Variants in RNF216 observed in about 807,000 individuals in gnomAD.
RNF216 encodes E3 ubiquitin-protein ligase RNF216.
Under a neutral mutation model 110.8 loss-of-function variants are expected in RNF216, and 72 were observed. That is an observed-to-expected ratio of 0.65 (90% CI 0.54 to 0.79). RNF216 has a LOEUF of 0.79. Among genes scored for constraint, RNF216 ranks in the 30% least tolerant of loss-of-function variants. RNF216 has a pLI of 0.00. For missense variants in RNF216, 1,342 were observed against 1,141.2 expected (o/e 1.18, Z -2.54); for synonymous variants, 495 against 407.5 (o/e 1.21, Z -2.59).
chr7:5,681,641 C>T (rs1421892126), intron 13 of RNF216, among the ~76,000 whole-genome samples: 2 of 152,188 alleles, frequency 1.3e-5, no homozygotes, highest in Admixed American at 6.5e-5. Context: ...GTGTCAAGGA[C>T]GAGTCCCATT....
chr7:5,637,924 C>T (rs1224352530), intron 15 of RNF216, among the ~76,000 whole-genome samples: 2 of 152,228 alleles, frequency 1.3e-5, no homozygotes, highest in East Asian at 3.9e-4. Flanking sequence ...TGGCTCACTG[C>T]AATCTCTGCT....
At chr7:5,704,118 G>C (rs1342837947) in intron 13 of RNF216, among the ~76,000 whole-genome samples, 1 of 152,148 alleles carries the variant, frequency 6.6e-6, no homozygotes, top group Non-Finnish European at 1.5e-5. Context: ...ATGAAACAAA[G>C]ACTCTCTCCA....
intron 14 of RNF216, among the ~76,000 whole-genome samples, chr7:5,645,129 C>A (rs1199413155): frequency 6.6e-6 from 1 of 152,128 alleles, no homozygotes; most frequent in Non-Finnish European, 1.5e-5. Context: ...TGCCTATTTT[C>A]TGATTAGGCT....
intron 13 of RNF216, among the ~76,000 whole-genome samples, chr7:5,663,678 G>T (rs1017036471): frequency 6.6e-6 from 1 of 150,526 alleles, no homozygotes; most frequent in Non-Finnish European, 1.5e-5. Context: ...AGGCGGGCAG[G>T]TCACGAGGTC....
At chr7:5,699,309 C>T (rs1042336946) in intron 13 of RNF216, among the ~76,000 whole-genome samples, 3 of 152,148 alleles carry the variant, frequency 2.0e-5, no homozygotes, top group Non-Finnish European at 2.9e-5. Flanking sequence ...ATCAAAATTA[C>T]ACCTAAAAAC....
chr7:5,695,567 G>C (rs932242953), intron 13 of RNF216, among the ~76,000 whole-genome samples: 9 of 152,228 alleles, frequency 5.9e-5, no homozygotes, highest in African/African-American at 1.4e-4. Flanking sequence ...AGACACCGCA[G>C]CTATAGACAA....
At chr7:5,707,727 T>G (rs1436187719) in intron 13 of RNF216, among the ~76,000 whole-genome samples, 3 of 145,004 alleles carry the variant, frequency 2.1e-5, no homozygotes, top group African/African-American at 2.6e-5. Flanking sequence ...GGTTTTTTTT[T>G]TTTTTTTTTT....
chr7:5,705,681 G>A (rs562655633), intron 13 of RNF216, among the ~76,000 whole-genome samples: 2 of 152,262 alleles, frequency 1.3e-5, no homozygotes, highest in South Asian at 2.1e-4. Context: ...GGCCAAGGCA[G>A]GCAGATCACC....
chr7:5,749,652 T>C (rs1433864148), intron 3 of RNF216, among the ~76,000 whole-genome samples: 1 of 152,232 alleles, frequency 6.6e-6, no homozygotes, highest in African/African-American at 2.4e-5. Flanking sequence ...GTTCTGACAC[T>C]TTCTGAAAGC....
At chr7:5,778,577 A>G (rs574628374) in intron 1 of RNF216, among the ~76,000 whole-genome samples, 18 of 152,202 alleles carry the variant, frequency 1.2e-4, no homozygotes, top group Non-Finnish European at 1.8e-4. Flanking sequence ...CGGATGGCAC[A>G]GTAGATGATC....
In RNF216 at chr7:5,621,117, C is replaced by G. The variant is rs1397372944; in HGVS notation, c.*1743G>C. The G allele has an allele frequency of 6.6e-6, 1 of 152,046 alleles. No individual in the cohort carries two copies. The highest frequency in any genetic ancestry group is 1.5e-5 in the Non-Finnish European group (1 of 68,036). The allele number at this position is 152,046 out of a possible 1,614,324, so 9.4% of individuals were successfully genotyped here. ...CACCCTTACCCCAGGTCCAGGTGAC[C>G]ACCTGTCTTCAAAGCCTCCATCCTG... On this transcript the variant is annotated 3_prime_UTR_variant, in exon 17 of 17. Transcript: ENST00000389902.
intron 14 of RNF216, among the ~76,000 whole-genome samples, chr7:5,643,333 A>G (rs751700858): frequency 6.6e-5 from 10 of 151,482 alleles, no homozygotes; most frequent in South Asian, 6.3e-4. Context: ...GGGAAAAATC[A>G]TGGTTGATTC....
chr7:5,777,049 T>C (rs1796826111), intron 1 of RNF216, among the ~76,000 whole-genome samples: 1 of 151,748 alleles, frequency 6.6e-6, no homozygotes, highest in Non-Finnish European at 1.5e-5. Context: ...AGTCATCAGG[T>C]AAAAAGTCTG....
At chr7:5,625,073 TC>T (rs1444250190) in intron 15 of RNF216, among the ~76,000 whole-genome samples, 1 of 152,234 alleles carries the variant, frequency 6.6e-6, no homozygotes, top group African/African-American at 2.4e-5. Context: ...TGGGTGCCCA[TC>T]TTTCCTGGCT....
intron 14 of RNF216, 101 bp from the exon 15 acceptor site, chr7:5,641,477 T>C (rs539536726): frequency 2.4e-4 from 229 of 969,098 alleles, no homozygotes; most frequent in Non-Finnish European, 3.2e-4. Context: ...TGATCACTTA[T>C]GGCTTTTTTG....
chr7:5,657,956 G>T (rs1274723466), intron 13 of RNF216, among the ~76,000 whole-genome samples: 1 of 152,216 alleles, frequency 6.6e-6, no homozygotes, highest in African/African-American at 2.4e-5. Context: ...AAGAAGGCTT[G>T]GTCCTTGCCC....
At chr7:5,683,983 G>A (rs1171409905) in intron 13 of RNF216, among the ~76,000 whole-genome samples, 1 of 152,062 alleles carries the variant, frequency 6.6e-6, no homozygotes, top group Non-Finnish European at 1.5e-5. Flanking sequence ...ATCCAGTAGG[G>A]GTCTTGTGGC....
intron 3 of RNF216, 98 bp from the exon 4 acceptor site, chr7:5,741,913 C>A: frequency 8.1e-7 from 1 of 1,237,866 alleles, no homozygotes. Flanking sequence ...AGGAAAGAAA[C>A]AAAAACACCA....
intron 13 of RNF216, among the ~76,000 whole-genome samples, chr7:5,652,841 TAGA>T (rs944934296): frequency 6.6e-6 from 1 of 152,056 alleles, no homozygotes; most frequent in African/African-American, 2.4e-5. Flanking sequence ...TAAGAATCAT[TAGA>T]AGGACGCACA....
Sources: gnomAD v4.1 joint callset for allele counts (sites outside exome capture counted in the v4.1 genomes callset) on GRCh38, gnomAD v4.1.1 for gene constraint, MANE v1.5 for transcripts, NCBI Gene and HGNC (gene_info 2026-07-23, HGNC 2026-07-21) for gene names.